The following DECR2 variants were observed in gnomAD, a reference collection of about 807,000 sequenced individuals.
DECR2 encodes peroxisomal 2,4-dienoyl-CoA reductase [(3E)-enoyl-CoA-producing].
A neutral mutation model predicts 29.2 loss-of-function variants in DECR2; 34 were observed. The ratio of observed to expected loss-of-function variants is 1.16; its 90% CI spans 0.89 to 1.55. The LOEUF is 1.55. Ranked by LOEUF, DECR2 falls within the 40% of genes most tolerant of loss-of-function variation. The probability of loss-of-function intolerance (pLI) is 0.00; values close to 1 mark genes in which losing one functional copy is unlikely to be tolerated. For missense variants in DECR2, 485 were observed against 425.3 expected (o/e 1.14, Z -1.23); for synonymous variants, 224 against 182.7 (o/e 1.23, Z -1.82).
chr16:406,872 AAAGTGCCAGGATTACAGGTGTGAACCACT>A, intron 3 of DECR2: 1 of 1,011,798 alleles, frequency 9.9e-7, no homozygotes, highest in South Asian at 3.2e-5. Context: ...TCAGCCTCCC[AAAGTGCCAGGATTACAGGTGTGAACCACT>A]GTGCCCAGCC....
intron 8 of DECR2, 92 bp downstream of exon 8, chr16:411,670 G>A (rs1258616590): frequency 5.1e-6 from 7 of 1,382,166 alleles, no homozygotes; most frequent in East Asian, 2.4e-5. Context: ...CGGGGCTGGC[G>A]TCTCCTTTGT....
At chr16:404,540 G>A (rs1459393913) in intron 1 of DECR2, among the ~76,000 whole-genome samples, 4 of 152,020 alleles carry the variant, frequency 2.6e-5, no homozygotes, top group South Asian at 2.1e-4. Flanking sequence ...GCACCTGGCC[G>A]AATTTTCATT....
Position 410,256 on chromosome 16 carries a change from C to G in DECR2, c.351C>G (p.Asn117Lys). The change falls in exon 5 of 9, where the codon AAC (asparagine) becomes AAG (lysine). Residue 117 changes from asparagine (N) to lysine (K), a missense_variant. Physicochemically the swap from Asn to Lys is moderately conservative, Grantham distance 94 (BLOSUM62 0). Transcript: ENST00000219481. This position sits in a 1 kb window ranked among gnomAD's most constrained non-coding sequence, Gnocchi z 4.1. ...CCCATTCTGCAGGTGCGGCCGGGAA[C>G]TTCCTGTGCCCCGCTGGCGCCTTGT... is the stretch of plus-strand genomic sequence containing the variant. ...IDILINCAAGNFLCPAGALSF... is the reference protein window; with the variant it reads ...IDILINCAAGKFLCPAGALSF... 6.2e-7 allele frequency: 1 copy of G among 1,613,356 alleles called. No homozygotes were observed. Among genetic ancestry groups the G allele is most frequent in the Non-Finnish European group, 8.5e-7 (1 of 1,179,742 alleles).
At chr16:402,092 C>T (rs980839104) in intron 1 of DECR2, 49 bp downstream of exon 1, 3 of 1,296,546 alleles carry the variant, frequency 2.3e-6, no homozygotes, top group South Asian at 2.1e-5. Context: ...GGGTCCGGTC[C>T]GCGGGCGCCG....
At chr16:405,275 G>A in intron 2 of DECR2, 1 of 599,136 alleles carries the variant, frequency 1.7e-6, no homozygotes, top group Non-Finnish European at 2.9e-6. Context: ...GACCTCGAGA[G>A]TCAGGGCTGT....
chr16:407,654 C>T, intron 4 of DECR2, 94 bp downstream of exon 4: 9 of 1,546,522 alleles, frequency 5.8e-6, no homozygotes, highest in Non-Finnish European at 7.0e-6. Context: ...GGGACCATGC[C>T]AGGGAACCTA....
intron 1 of DECR2, among the ~76,000 whole-genome samples, chr16:403,813 G>A (rs2054694044): frequency 6.6e-6 from 1 of 152,186 alleles, no homozygotes; most frequent in South Asian, 2.1e-4. Flanking sequence ...AAGAGGTCAA[G>A]GCGGCAGTGA....
At chr16:402,100 C>T (rs1466058673) in intron 1 of DECR2, 57 bp downstream of exon 1, 1 of 1,293,172 alleles carries the variant, frequency 7.7e-7, no homozygotes, top group South Asian at 2.1e-5. Context: ...TCCGCGGGCG[C>T]CGGCGCCCCC....
At position 410,408 on chromosome 16, in the gene DECR2, G is replaced by T; in HGVS notation, c.462+41G>T. On this transcript the variant is annotated intron_variant, in intron 5 of 8. Coordinates refer to ENST00000219481, the MANE Select transcript of DECR2 (RefSeq NM_020664.4). This position sits in a 1 kb window ranked among gnomAD's most constrained non-coding sequence, Gnocchi z 4.1. ...GCTCTGTGAGAAGTTCTTCCGGGTG[G>T]GTGCCTCGTGCGCTCTGTGAGAAGT... 6.3e-7 allele frequency: 1 copy of T among 1,590,716 alleles called. No individual in the cohort carries two copies. Among genetic ancestry groups the T allele is most frequent in the South Asian group, 1.1e-5 (1 of 90,538 alleles).
At chr16:408,231 C>A (rs2054764872) in intron 4 of DECR2, among the ~76,000 whole-genome samples, 1 of 150,886 alleles carries the variant, frequency 6.6e-6, no homozygotes, top group South Asian at 2.1e-4. Context: ...GGGCCTCTGT[C>A]TCCGGGCCTC....
intron 8 of DECR2, 103 bp downstream of exon 8, chr16:411,681 C>G (rs1473706536): frequency 1.5e-6 from 2 of 1,301,184 alleles, no homozygotes; most frequent in African/African-American, 1.5e-5. Context: ...TCTCCTTTGT[C>G]CCCATCCTCC....
chr16:404,723 G>A (rs544433607), intron 1 of DECR2, among the ~76,000 whole-genome samples: 11 of 151,910 alleles, frequency 7.2e-5, no homozygotes, highest in South Asian at 2.1e-4. Context: ...TCTGCCTCCC[G>A]GGTTCAAGCT....
At chr16:407,689 A>C in intron 4 of DECR2, 129 bp downstream of exon 4, 1 of 1,439,254 alleles carries the variant, frequency 6.9e-7, no homozygotes, top group Non-Finnish European at 9.3e-7. Context: ...GGTGGGCTGC[A>C]CCCCATCCAG....
At chr16:403,406 G>T (rs959136075) in intron 1 of DECR2, among the ~76,000 whole-genome samples, 1 of 152,170 alleles carries the variant, frequency 6.6e-6, no homozygotes, top group Admixed American at 6.6e-5. Context: ...GTTTGTGCCA[G>T]TCATACCGAT....
rs754562425 is a variant in DECR2, at chr16:402,072, C to G, written c.80+29C>G. On this transcript the variant is annotated intron_variant, in intron 1 of 8. Coordinates refer to ENST00000219481, the MANE Select transcript of DECR2 (RefSeq NM_020664.4). ...AGCGGGGCCTGGGAAGCGAGCGCAG[C>G]CTTGGTGCGGGGTCCGGTCCGCGGG... 5 of 1,329,412 alleles carry G rather than the reference C, an allele frequency of 3.8e-6. No individual in the cohort carries two copies. In the East Asian group the frequency reaches 1.6e-4, roughly 41 times the overall value. 82.4% of individuals were successfully genotyped at this position (1,329,412 alleles called of 1,614,324 possible).
intron 2 of DECR2, 40 bp downstream of exon 2, chr16:405,064 C>T (rs768611216): frequency 6.2e-7 from 1 of 1,611,822 alleles, no homozygotes; most frequent in Non-Finnish European, 8.5e-7. Flanking sequence ...CCTCGCTTCT[C>T]CCTGCCCGGG....
In DECR2 at chr16:408,005, G is replaced by A. The variant is rs2054755161; in HGVS notation, c.337+445G>A. 4.2e-5 allele frequency among the ~76,000 whole-genome samples: 3 copies of A among 70,930 alleles called. 1 individual carries two copies. The highest frequency in any genetic ancestry group is 3.7e-4 in the East Asian group (1 of 2,724). The allele number at this position is 70,930 out of a possible 152,430, so 46.5% of individuals were successfully genotyped here. On this transcript the variant is annotated intron_variant, in intron 4 of 8. Transcript: ENST00000219481. ...TCCGGGCCCCTGTCTCCGGGCCTCT[G>A]TCTCCGGCCCCCTGTCTCCGGGCCC... is the stretch of plus-strand genomic sequence containing the variant.
Position 407,520 on chromosome 16 carries a change from G to A in DECR2, c.297G>A (p.Gln99=). 1 of 1,614,060 alleles carries A rather than the reference G, an allele frequency of 6.2e-7. No homozygotes were observed. The highest frequency in any genetic ancestry group is 1.3e-5 in the African/African-American group (1 of 75,052). ...CAGCTGTCATGGCCGCCGTGGACCA[G>A]GCTCTGAAGGAGTTTGGCAGAATCG... is the stretch of plus-strand genomic sequence containing the variant. ...APPAVMAAVD[Q]ALKEFGRIDI... Residue 99 remains glutamine, a synonymous_variant, in exon 4 of 9, where the codon CAG becomes CAA. Transcript: ENST00000219481.
chr16:410,890 G>T lies in DECR2; in HGVS notation c.557-82G>T. The T allele has an allele frequency of 6.6e-7, 1 of 1,526,434 alleles. No homozygotes were observed. The highest frequency in any genetic ancestry group is 8.9e-7 in the Non-Finnish European group (1 of 1,128,616). The allele number at this position is 1,526,434 out of a possible 1,614,324, so 94.6% of individuals were successfully genotyped here. On this transcript the variant is annotated intron_variant, in intron 6 of 8. Coordinates refer to ENST00000219481, the MANE Select transcript of DECR2 (RefSeq NM_020664.4). This position sits in a 1 kb window ranked among gnomAD's most constrained non-coding sequence, Gnocchi z 4.1. ...TCTCCACTTGAAGCTGAGCCCAGCT[G>T]CAGGCAGCGAGACCTGGCCTTGGCC...
Sources: gnomAD v4.1 joint callset for allele counts (sites outside exome capture counted in the v4.1 genomes callset) on GRCh38, gnomAD v4.1.1 for gene constraint, Gnocchi (gnomAD v3.1) non-coding constraint, MANE v1.5 for transcripts, NCBI Gene and HGNC (gene_info 2026-07-23, HGNC 2026-07-21) for gene names.